ULK4: variants seen among roughly 807,000 people sequenced by gnomAD.
The protein encoded by ULK4 is unc-51 like kinase 4, also known as inactive serine/threonine-protein kinase ULK4.
In ULK4, 133 loss-of-function variants were observed where a neutral mutation model predicts 160.6. The observed-to-expected ratio is 0.83, with a 90% CI of 0.72 to 0.96. The LOEUF is 0.96. Ranked by LOEUF, ULK4 falls within the 40% of genes least tolerant of loss-of-function variation. ULK4 has a pLI of 0.00. For synonymous variants in ULK4, 534 were observed against 539.8 expected (o/e 0.99, Z 0.15); for missense variants, 1,580 against 1,499.5 (o/e 1.05, Z -0.89).
chr3:41,860,878 T>A (rs2042484513), intron 17 of ULK4, among the ~76,000 whole-genome samples: 1 of 152,190 alleles, frequency 6.6e-6, no homozygotes, highest in Non-Finnish European at 1.5e-5. Flanking sequence ...TTTTTGTGTA[T>A]CCACTATGTG....
At chr3:41,597,500 T>C (rs867982826) in intron 31 of ULK4, among the ~76,000 whole-genome samples, 8 of 152,194 alleles carry the variant, frequency 5.3e-5, no homozygotes, top group Non-Finnish European at 4.4e-5. Flanking sequence ...TTGGGTCTTT[T>C]AGGCAGATAG....
intron 6 of ULK4, 116 bp from the exon 7 acceptor site, chr3:41,918,656 C>T (rs1249228292): frequency 3.9e-6 from 2 of 516,272 alleles, no homozygotes; most frequent in Non-Finnish European, 6.2e-6. Flanking sequence ...GGCTGGAGTG[C>T]AGTGGCGCAA....
intron 17 of ULK4, among the ~76,000 whole-genome samples, chr3:41,842,188 AATAAAAAAAAAG>A (rs574554349): frequency 0.089 from 10,503 of 117,612 alleles, 1,545 homozygotes; most frequent in African/African-American, 0.28. Context: ...TAAAAAAAAA[AATAAAAAAAAAG>A]AAGACTAAGG....
chr3:41,411,429 T>TTTTTTA, intron 34 of ULK4, among the ~76,000 whole-genome samples: 1 of 151,680 alleles, frequency 6.6e-6, no homozygotes, highest in East Asian at 1.9e-4. Flanking sequence ...TCTTTTTTTT[T>TTTTTTA]TTTTTATTTT....
chr3:41,660,188 G>A (rs997134889), intron 30 of ULK4, among the ~76,000 whole-genome samples: 8 of 152,022 alleles, frequency 5.3e-5, no homozygotes, highest in South Asian at 2.1e-4. Context: ...CCAGCTACTC[G>A]GGAGGCTGAG....
At chr3:41,822,571 C>A (rs1228919304) in intron 18 of ULK4, among the ~76,000 whole-genome samples, 6 of 152,010 alleles carry the variant, frequency 3.9e-5, no homozygotes, top group Admixed American at 6.6e-5. Flanking sequence ...GCCTGAGCCA[C>A]CACACCCGGC....
Position 41,663,863 on chromosome 3 carries a change from T to C in ULK4, c.2979-164A>G, listed in dbSNP as rs918505279. Among the ~76,000 whole-genome samples, 4 of 152,344 alleles carry C rather than the reference T, an allele frequency of 2.6e-5. No individual in the cohort carries two copies. The East Asian group carries it at 5.8e-4, about 22-fold the overall frequency. On this transcript the variant is annotated intron_variant, in intron 29 of 36. Coordinates refer to ENST00000301831, the MANE Select transcript of ULK4 (RefSeq NM_017886.4). The stretch of plus-strand genomic sequence containing the variant: ...CTCTCATGTGCCCCTTCTCAGAAAG[T>C]TACTGGCAAATATGCTCTATTGAAA...
Position 41,371,368 on chromosome 3 carries a change from G to T in ULK4, c.3678+26711C>A, listed in dbSNP as rs139539829. On this transcript the variant is annotated intron_variant, in intron 35 of 36. Transcript: ENST00000301831. The stretch of plus-strand genomic sequence containing the variant: ...CTGATGGGGAGATACCTCATGGCAG[G>T]AGTCGACAGACACCTCACACAGGAG... Among the ~76,000 whole-genome samples, 69 of 152,268 alleles carry T rather than the reference G, an allele frequency of 4.5e-4. 1 individual carries two copies. In the East Asian group the frequency reaches 0.013, roughly 28 times the overall value.
chr3:41,408,048 C>A lies in ULK4; in HGVS notation c.3493-9784G>T, dbSNP rs560047713. The stretch of plus-strand genomic sequence containing the variant: ...TGTATTTCTATACACTAACAATGAA[C>A]AATCTGAAGTTGAAATTAAGAAAAT... On this transcript the variant is annotated intron_variant, in intron 34 of 36. Transcript: ENST00000301831. 3.9e-5 allele frequency among the ~76,000 whole-genome samples: 6 copies of A among 151,950 alleles called. No individual in the cohort carries two copies. The East Asian group carries it at 1.2e-3, about 29-fold the overall frequency.
chr3:41,328,482 G>C (rs559224645), intron 35 of ULK4, among the ~76,000 whole-genome samples: 1 of 152,260 alleles, frequency 6.6e-6, no homozygotes, highest in African/African-American at 2.4e-5. Context: ...GTTCAGAGGA[G>C]AAATGAGAGA....
intron 35 of ULK4, among the ~76,000 whole-genome samples, chr3:41,273,902 T>C (rs112763222): frequency 0.021 from 3,231 of 151,970 alleles, 52 homozygotes; most frequent in Non-Finnish European, 0.032. Flanking sequence ...TGACCTTCTA[T>C]ACCATGTTGT....
chr3:41,435,438 G>C (rs750217812), intron 34 of ULK4, among the ~76,000 whole-genome samples: 1 of 152,182 alleles, frequency 6.6e-6, no homozygotes, highest in African/African-American at 2.4e-5. Flanking sequence ...CTATATATCT[G>C]TTTCTAGGAA....
chr3:41,959,836 A>T (rs1700611340), intron 1 of ULK4, among the ~76,000 whole-genome samples: 1 of 152,160 alleles, frequency 6.6e-6, no homozygotes, highest in African/African-American at 2.4e-5. Flanking sequence ...TATGTATTAT[A>T]ACCAAAATAA....
intron 22 of ULK4, among the ~76,000 whole-genome samples, chr3:41,727,773 C>G (rs533214727): frequency 6.6e-6 from 1 of 152,172 alleles, no homozygotes; most frequent in African/African-American, 2.4e-5. Flanking sequence ...GTGAGGAAGA[C>G]AGACTATGGA....
chr3:41,852,306 A>T (rs551045502), intron 17 of ULK4, among the ~76,000 whole-genome samples: 1 of 151,906 alleles, frequency 6.6e-6, no homozygotes, highest in Non-Finnish European at 1.5e-5. Flanking sequence ...ACTACTCTTT[A>T]AAAAAAATTT....
At chr3:41,683,616 T>C (rs772975129) in intron 27 of ULK4, among the ~76,000 whole-genome samples, 6 of 151,814 alleles carry the variant, frequency 4.0e-5, no homozygotes, top group Non-Finnish European at 8.8e-5. Context: ...GTCTTTCTTT[T>C]TCTTTCTTCT....
intron 31 of ULK4, among the ~76,000 whole-genome samples, chr3:41,566,801 G>A (rs1311702490): frequency 1.3e-5 from 2 of 152,016 alleles, no homozygotes; most frequent in African/African-American, 4.8e-5. Flanking sequence ...TCATTGCTGT[G>A]AATATTTTTT....
In ULK4 at chr3:41,677,484, A is replaced by G. The variant is rs372494674; in HGVS notation, c.2978+4024T>C. On this transcript the variant is annotated intron_variant, in intron 29 of 36. Transcript: ENST00000301831. ...GTAGCTAGGACTACAGGTGCCTGCC[A>G]TCACACCCAGCTAATTTTTTGTATC... Among the ~76,000 whole-genome samples, 10 of 152,140 alleles carry G rather than the reference A, an allele frequency of 6.6e-5. No homozygotes were observed. In the East Asian group the frequency reaches 1.4e-3, roughly 21 times the overall value.
At chr3:41,830,490 T>C (rs1262553911) in intron 18 of ULK4, among the ~76,000 whole-genome samples, 1 of 152,102 alleles carries the variant, frequency 6.6e-6, no homozygotes, top group African/African-American at 2.4e-5. Flanking sequence ...TTGGAGGTGA[T>C]AGGTTCATTT....
Sources: allele counts gnomAD v4.1 joint callset (sites outside exome capture counted in the v4.1 genomes callset), GRCh38; gene constraint gnomAD v4.1.1; transcripts MANE v1.5; gene names NCBI Gene and HGNC (gene_info 2026-07-23, HGNC 2026-07-21).